The following BICC1 variants were observed in gnomAD, a reference collection of about 807,000 sequenced individuals.
BICC1 encodes the protein BicC family RNA binding protein 1.
In BICC1, 43 loss-of-function variants were observed where a neutral mutation model predicts 111.0. The observed-to-expected ratio is 0.39, with a 90% CI of 0.30 to 0.50. The LOEUF is 0.50. Among genes scored for constraint, BICC1 ranks in the 20% least tolerant of loss-of-function variants. The pLI is 0.88. For missense variants in BICC1, 1,091 were observed against 1,203.2 expected (o/e 0.91, Z 1.38); for synonymous variants, 467 against 434.4 (o/e 1.07, Z -0.93).
intron 3 of BICC1, among the ~76,000 whole-genome samples, chr10:58,760,248 T>G (rs1842273771): frequency 6.6e-6 from 1 of 152,144 alleles, no homozygotes; most frequent in South Asian, 2.1e-4. Context: ...TAAATTACTG[T>G]AAATTACAAT....
chr10:58,738,222 G>A (rs1278507859), intron 3 of BICC1, among the ~76,000 whole-genome samples: 3 of 152,152 alleles, frequency 2.0e-5, no homozygotes, highest in Non-Finnish European at 4.4e-5. Flanking sequence ...ATGGTTTTAG[G>A]TCTAACAATT....
intron 3 of BICC1, among the ~76,000 whole-genome samples, chr10:58,708,363 T>A (rs537330830): frequency 6.6e-6 from 1 of 151,704 alleles, no homozygotes; most frequent in South Asian, 2.1e-4. Context: ...GTATACCAGA[T>A]GTAATGCTCC....
Position 58,563,715 on chromosome 10 carries a change from G to A in BICC1, c.190+50382G>A, listed in dbSNP as rs1843675486. On this transcript the variant is annotated intron_variant, in intron 1 of 20. Coordinates refer to ENST00000373886, the MANE Select transcript of BICC1 (RefSeq NM_001080512.3). ...TTGACTACATGTACTTTGAAAATCA[G>A]AGACAAAGGGGTGTTTTAAAGTTTT... is the stretch of plus-strand genomic sequence containing the variant. Among the ~76,000 whole-genome samples the A allele has an allele frequency of 3.3e-5, 5 of 152,178 alleles. No homozygotes were observed. The South Asian group carries it at 1.0e-3, about 31-fold the overall frequency.
intron 2 of BICC1, among the ~76,000 whole-genome samples, chr10:58,689,548 G>A (rs1839853016): frequency 6.6e-6 from 1 of 152,156 alleles, no homozygotes; most frequent in East Asian, 1.9e-4. Context: ...TTATGAGTCT[G>A]GATTCTGAAA....
At chr10:58,702,985 A>G (rs866531653) in intron 3 of BICC1, among the ~76,000 whole-genome samples, 1 of 152,106 alleles carries the variant, frequency 6.6e-6, no homozygotes, top group South Asian at 2.1e-4. Context: ...TTACTACTAA[A>G]TGATAACACT....
chr10:58,532,926 A>G (rs1449123775), intron 1 of BICC1, among the ~76,000 whole-genome samples: 1 of 151,888 alleles, frequency 6.6e-6, no homozygotes, highest in Admixed American at 6.6e-5. Context: ...AAGCACAATC[A>G]AAGCAATGGC....
intron 17 of BICC1, among the ~76,000 whole-genome samples, chr10:58,808,878 G>C (rs930627992): frequency 1.2e-4 from 18 of 152,068 alleles, no homozygotes; most frequent in Admixed American, 1.2e-3. Flanking sequence ...ATCATGCCCA[G>C]CTAATTTTTG....
intron 3 of BICC1, among the ~76,000 whole-genome samples, chr10:58,775,572 C>G (rs945062270): frequency 6.6e-6 from 1 of 152,118 alleles, no homozygotes; most frequent in Non-Finnish European, 1.5e-5. Flanking sequence ...TTCCCATCTC[C>G]TCGCCCAAAG....
chr10:58,545,050 T>TCAA (rs1450435087), intron 1 of BICC1, among the ~76,000 whole-genome samples: 5 of 151,328 alleles, frequency 3.3e-5, no homozygotes, highest in Non-Finnish European at 7.4e-5. Flanking sequence ...ACCAACCCTG[T>TCAA]CAACACCTTG....
intron 1 of BICC1, among the ~76,000 whole-genome samples, chr10:58,516,138 C>T (rs1424737712): frequency 6.6e-6 from 1 of 152,032 alleles, no homozygotes; most frequent in Admixed American, 6.6e-5. Context: ...TTTGGGTGTG[C>T]TATTTTTCTA....
chr10:58,623,617 T>C (rs1198683082), intron 2 of BICC1, among the ~76,000 whole-genome samples: 1 of 152,226 alleles, frequency 6.6e-6, no homozygotes, highest in Non-Finnish European at 1.5e-5. Context: ...CCAGCTGGGT[T>C]GGTAGCTGTG....
At chr10:58,787,652 A>T (rs191443565) in intron 5 of BICC1, among the ~76,000 whole-genome samples, 1 of 152,352 alleles carries the variant, frequency 6.6e-6, no homozygotes, top group Non-Finnish European at 1.5e-5. Flanking sequence ...TCTCTCTTCT[A>T]AACTAGTTAC....
intron 1 of BICC1, among the ~76,000 whole-genome samples, chr10:58,615,513 A>C (rs969663079): frequency 6.6e-6 from 1 of 152,158 alleles, no homozygotes; most frequent in African/African-American, 2.4e-5. Context: ...AAAAGGTATA[A>C]TTACCCTGCT....
chr10:58,575,612 A>G (rs1315219381), intron 1 of BICC1, among the ~76,000 whole-genome samples: 1 of 151,726 alleles, frequency 6.6e-6, no homozygotes, highest in Non-Finnish European at 1.5e-5. Context: ...GTTAAGAAAT[A>G]GGGTCTCGCT....
At chr10:58,781,802 C>G (rs1842891305) in intron 3 of BICC1, among the ~76,000 whole-genome samples, 1 of 151,960 alleles carries the variant, frequency 6.6e-6, no homozygotes, top group Non-Finnish European at 1.5e-5. Context: ...TAAGATCAAC[C>G]TGGAAAAAAG....
intron 3 of BICC1, among the ~76,000 whole-genome samples, chr10:58,703,075 A>G (rs533278405): frequency 6.6e-6 from 1 of 151,908 alleles, no homozygotes; most frequent in African/African-American, 2.4e-5. Flanking sequence ...TACTCATCAC[A>G]TGGAATAAAA....
chr10:58,656,323 G>A (rs1159805298), intron 2 of BICC1, among the ~76,000 whole-genome samples: 1 of 150,800 alleles, frequency 6.6e-6, no homozygotes, highest in African/African-American at 2.4e-5. Flanking sequence ...AATAGAAAAA[G>A]AGGGAATCCT....
chr10:58,772,179 G>A (rs1370692947), intron 3 of BICC1, among the ~76,000 whole-genome samples: 4 of 152,098 alleles, frequency 2.6e-5, no homozygotes, highest in Non-Finnish European at 5.9e-5. Context: ...TATAATTCCA[G>A]AAGTTAACAT....
At chr10:58,785,997 A>AG (rs1423974814) in intron 4 of BICC1, among the ~76,000 whole-genome samples, 3 of 152,126 alleles carry the variant, frequency 2.0e-5, no homozygotes, top group African/African-American at 7.2e-5. Context: ...TCTTCAGGAA[A>AG]GGGGGATTTT....
Sources: gnomAD v4.1 joint callset for allele counts (sites outside exome capture counted in the v4.1 genomes callset) on GRCh38, gnomAD v4.1.1 for gene constraint, MANE v1.5 for transcripts, NCBI Gene and HGNC (gene_info 2026-07-23, HGNC 2026-07-21) for gene names.